Variants in PCTP observed in about 807,000 individuals in gnomAD.
The protein encoded by PCTP is START domain-containing protein 2.
Under a neutral mutation model 31.0 loss-of-function variants are expected in PCTP, and 27 were observed. The observed-to-expected ratio is 0.87, with a 90% CI of 0.64 to 1.20. The LOEUF (loss-of-function observed/expected upper bound fraction) is 1.20. Among genes scored for constraint, PCTP ranks in the 50% most tolerant of loss-of-function variants. The pLI is 0.00. For missense variants in PCTP, 287 were observed against 268.2 expected, an observed-to-expected ratio of 1.07 and a Z score of -0.49; for synonymous variants, 108 against 101.2, an observed-to-expected ratio of 1.07 and a Z score of -0.40.
chr17:55,757,278 ATG>A (rs367789115), intron 1 of PCTP, among the ~76,000 whole-genome samples: 29 of 150,174 alleles, frequency 1.9e-4, no homozygotes, highest in African/African-American at 6.1e-4. Context: ...ATACACAAGC[ATG>A]TGTGTGTGTG....
Position 55,771,198 on chromosome 17 carries a change from C to A in PCTP, c.339+13C>A, listed in dbSNP as rs370999589. ...GTCCAACAGAGACGTATCCTTTCCA[C>A]AAGGTACTCATTCCCTGGCCCTCTA... On this transcript the variant is annotated intron_variant, in intron 3 of 5. Transcript: ENST00000268896. 212 of 1,583,798 alleles carry A rather than the reference C, an allele frequency of 1.3e-4. No individual in the cohort carries two copies. Among genetic ancestry groups the A allele is most frequent in the Non-Finnish European group, 1.7e-4 (200 of 1,152,540 alleles).
chr17:55,842,310 C>G (rs1906008516), intron 5 of PCTP, among the ~76,000 whole-genome samples: 1 of 152,184 alleles, frequency 6.6e-6, no homozygotes. Context: ...CGTATATTAT[C>G]CAGAACTGGC....
At chr17:55,777,830 A>G (rs4310931), downstream of PCTP, among the ~76,000 whole-genome samples, 57,179 of 152,102 alleles carry the variant, frequency 0.38, 16,671 homozygotes, top group African/African-American at 0.82. Flanking sequence ...ATCATTATCA[A>G]TAATGTAGCT....
At chr17:55,812,087 G>A (rs572850043) in intron 3 of PCTP, among the ~76,000 whole-genome samples, 119 of 152,312 alleles carry the variant, frequency 7.8e-4, no homozygotes, top group African/African-American at 2.9e-3. Flanking sequence ...AAAGTAACTT[G>A]CCAAAGGCCA....
At chr17:55,845,739 C>A (rs1002235740), downstream of PCTP, among the ~76,000 whole-genome samples, 1 of 152,066 alleles carries the variant, frequency 6.6e-6, no homozygotes, top group African/African-American at 2.4e-5. Flanking sequence ...GGACCCCGGG[C>A]GTGTGAGGGC....
At chr17:55,827,787 G>A (rs988061228), downstream of PCTP, among the ~76,000 whole-genome samples, 3 of 152,146 alleles carry the variant, frequency 2.0e-5, no homozygotes, top group African/African-American at 7.2e-5. Context: ...TGAAAGTCCA[G>A]GCTAATTAAG....
chr17:55,773,478 T>C (rs1328789230), intron 3 of PCTP, among the ~76,000 whole-genome samples: 1 of 152,202 alleles, frequency 6.6e-6, no homozygotes, highest in Non-Finnish European at 1.5e-5. Flanking sequence ...CCTCACATAA[T>C]TAAAAGCATG....
intron 3 of PCTP, among the ~76,000 whole-genome samples, chr17:55,821,715 CA>C (rs1913122851): frequency 6.6e-6 from 1 of 152,108 alleles, no homozygotes; most frequent in Non-Finnish European, 1.5e-5. Flanking sequence ...CCCAAGGTCA[CA>C]AAACTAGTAA....
intron 3 of PCTP, among the ~76,000 whole-genome samples, chr17:55,791,349 A>G (rs981363509): frequency 1.3e-5 from 2 of 148,814 alleles, no homozygotes; most frequent in Non-Finnish European, 3.0e-5. Flanking sequence ...AAAAGAAACT[A>G]CCATCAGAGT....
intron 1 of PCTP, chr17:55,751,564 A>T (rs904863155): frequency 1.7e-5 from 21 of 1,205,622 alleles, no homozygotes; most frequent in Non-Finnish European, 2.3e-5. Context: ...CACGTCTGCA[A>T]GGGACGTTGA....
intron 5 of PCTP, 70 bp downstream of exon 5, chr17:55,774,929 C>T (rs980377054): frequency 2.0e-5 from 30 of 1,473,576 alleles, no homozygotes; most frequent in Admixed American, 1.5e-4. Flanking sequence ...ACTTAGCCCG[C>T]GGGGCTGTCA....
At chr17:55,751,285 C>A in intron 1 of PCTP, 41 bp downstream of exon 1, 1 of 1,520,808 alleles carries the variant, frequency 6.6e-7, no homozygotes, top group Non-Finnish European at 8.8e-7. Context: ...GCCTAGAATG[C>A]GCCGGGGTCG....
chr17:55,782,534 T>TA (rs1414791015), intron 2 of PCTP, among the ~76,000 whole-genome samples: 1 of 152,208 alleles, frequency 6.6e-6, no homozygotes, highest in Non-Finnish European at 1.5e-5. Flanking sequence ...TCAGAGAGGC[T>TA]AAATAATGTG....
At chr17:55,848,017 G>A in the PCTP span, among the ~76,000 whole-genome samples, 4 of 152,204 alleles carry the variant, frequency 2.6e-5, no homozygotes, top group South Asian at 8.3e-4. Flanking sequence ...CCACCTCCCA[G>A]GTTCAAGCAA....
downstream of PCTP, among the ~76,000 whole-genome samples, chr17:55,827,024 CT>C (rs1304236277): frequency 1.5e-5 from 2 of 137,578 alleles, no homozygotes; most frequent in African/African-American, 6.0e-5. Context: ...AAGATACCTA[CT>C]GTGGTAAACA....
At chr17:55,841,854 CT>C (rs1222367679) in intron 5 of PCTP, among the ~76,000 whole-genome samples, 1 of 152,124 alleles carries the variant, frequency 6.6e-6, no homozygotes, top group Non-Finnish European at 1.5e-5. Context: ...GTTCTCTCTC[CT>C]TATACCTTTT....
chr17:55,772,484 G>A (rs1187037146), intron 3 of PCTP, among the ~76,000 whole-genome samples: 1 of 151,738 alleles, frequency 6.6e-6, no homozygotes, highest in Non-Finnish European at 1.5e-5. Context: ...CTACTCCGGA[G>A]GCTGAGGTGG....
chr17:55,804,754 G>T (rs757057238), intron 3 of PCTP, among the ~76,000 whole-genome samples: 10 of 152,002 alleles, frequency 6.6e-5, no homozygotes, highest in Non-Finnish European at 1.2e-4. Flanking sequence ...AGGAGAAATA[G>T]TTAATGTAGA....
At chr17:55,769,173 T>C (rs756554608) in intron 2 of PCTP, 3 of 152,230 alleles carry the variant, frequency 2.0e-5, no homozygotes, top group Non-Finnish European at 2.9e-5. Flanking sequence ...ATTCTAACCA[T>C]ATGAATAACC....
Sources: allele counts gnomAD v4.1 joint callset (sites outside exome capture counted in the v4.1 genomes callset), GRCh38; gene constraint gnomAD v4.1.1; transcripts MANE v1.5; gene names NCBI Gene and HGNC (gene_info 2026-07-23, HGNC 2026-07-21).